Variants in TMEM64 observed in about 807,000 individuals in gnomAD.
TMEM64 encodes transmembrane protein 64.
TMEM64 carries 19 observed loss-of-function variants against 24.5 expected under a neutral mutation model. The observed-to-expected ratio is 0.78, with a 90% CI of 0.54 to 1.14. TMEM64 has a LOEUF of 1.14. Ranked by LOEUF, TMEM64 falls within the 50% of genes most tolerant of loss-of-function variation. The probability of loss-of-function intolerance (pLI) is 0.00; values close to 1 mark genes in which losing one functional copy is unlikely to be tolerated. For synonymous variants in TMEM64, 262 were observed against 224.7 expected (o/e 1.17, Z -1.49); for missense variants, 487 against 493.0 (o/e 0.99, Z 0.12).
In TMEM64 at chr8:90,645,769, A is replaced by T; in HGVS notation, c.137T>A (p.Leu46His). The change falls in exon 1 of 3, where the codon CTT (leucine) becomes CAT (histidine). Residue 46 changes from leucine to histidine, a missense_variant. Coordinates refer to ENST00000458549, the MANE Select transcript of TMEM64 (RefSeq NM_001008495.4). This position sits in a 1 kb window ranked among gnomAD's most constrained non-coding sequence, Gnocchi z 4.2. ...CGCGCTCGCCCCGCCCCCGCGGGGA[A>T]GGCGGTCCGCCGGGCCGTCCCCGCC... ...GAGGDGPADR[L>H]PRGGGASAAA... The T allele has an allele frequency of 4.8e-6, 5 of 1,032,630 alleles. No individual in the cohort carries two copies. The highest frequency in any genetic ancestry group is 4.6e-6 in the Non-Finnish European group (4 of 863,032). 64.0% of individuals were successfully genotyped at this position (1,032,630 alleles called of 1,614,324 possible).
Position 90,625,815 on chromosome 8 carries a change from T to C in TMEM64, c.999A>G (p.Gln333=), listed in dbSNP as rs756297303. 1.2e-6 allele frequency: 2 copies of C among 1,613,850 alleles called. No homozygotes were observed. Among genetic ancestry groups the C allele is most frequent in the South Asian group, 1.1e-5 (1 of 91,058 alleles). The part of the protein sequence containing the change: ...GLMFYVVHRA[Q]VELNAAIVAC... ...CTACAATAGCTGCATTCAATTCCACTTGAGCTCGATGAACTACATAAAACA... is the reference window on the plus strand; with the variant it reads ...CTACAATAGCTGCATTCAATTCCACCTGAGCTCGATGAACTACATAAAACA... The change falls in exon 3 of 3, where the codon CAA becomes CAG. Residue 333 remains glutamine, a synonymous_variant. Transcript: ENST00000458549.
intron 2 of TMEM64, among the ~76,000 whole-genome samples, chr8:90,626,231 G>T (rs1809357344): frequency 6.6e-6 from 1 of 152,144 alleles, no homozygotes; most frequent in African/African-American, 2.4e-5. Context: ...AATTAATGTA[G>T]TATTATACCT....
rs1182813484 is a variant in TMEM64, at chr8:90,624,527, GAGAA to G, written c.*1140_*1143del. The G allele has an allele frequency of 1.3e-5, 2 of 152,424 alleles. No homozygotes were observed. Among genetic ancestry groups the G allele is most frequent in the Admixed American group, 6.6e-5 (1 of 15,266 alleles). The allele number at this position is 152,424 out of a possible 1,614,324, so 9.4% of individuals were successfully genotyped here. On this transcript the variant is annotated 3_prime_UTR_variant, in exon 3 of 3. Transcript: ENST00000458549. ...TAAATACATTTGATTCATGCTACAA[GAGAA>G]AGAATTGAGACAATTTCACATTTCA...
intron 1 of TMEM64, among the ~76,000 whole-genome samples, chr8:90,638,790 C>A (rs985727245): frequency 6.6e-6 from 1 of 152,118 alleles, no homozygotes; most frequent in African/African-American, 2.4e-5. Context: ...AAATTAAGAA[C>A]ACTCTGCCAA....
intron 2 of TMEM64, among the ~76,000 whole-genome samples, chr8:90,626,469 T>C (rs1393647799): frequency 6.6e-6 from 1 of 152,156 alleles, no homozygotes; most frequent in Non-Finnish European, 1.5e-5. Flanking sequence ...TTTAAAAATG[T>C]TAGTCAAAGG....
intron 1 of TMEM64, among the ~76,000 whole-genome samples, chr8:90,640,294 A>T (rs1169023877): frequency 1.3e-5 from 2 of 152,172 alleles, no homozygotes. Flanking sequence ...TCTTTTTTTG[A>T]ATCTATGGCT....
At chr8:90,634,449 G>A (rs527695816) in intron 1 of TMEM64, among the ~76,000 whole-genome samples, 53 of 152,052 alleles carry the variant, frequency 3.5e-4, no homozygotes, top group African/African-American at 1.3e-3. Flanking sequence ...CCTTCTTTAC[G>A]CTTCTTTTAA....
Position 90,645,945 on chromosome 8 carries a change from C to A in TMEM64, c.-40G>T. 1.8e-6 allele frequency: 2 copies of A among 1,084,654 alleles called. No individual in the cohort carries two copies. Among genetic ancestry groups the A allele is most frequent in the South Asian group, 4.4e-5 (1 of 22,550 alleles). 67.2% of individuals were successfully genotyped at this position (1,084,654 alleles called of 1,614,324 possible). A position where few individuals can be genotyped will look rare whatever the true frequency, so the allele number is the denominator to read the frequency against. On this transcript the variant is annotated 5_prime_UTR_variant, in exon 1 of 3. Coordinates refer to ENST00000458549, the MANE Select transcript of TMEM64 (RefSeq NM_001008495.4). This position sits in a 1 kb window ranked among gnomAD's most constrained non-coding sequence, Gnocchi z 4.2. The stretch of plus-strand genomic sequence containing the variant: ...CGGGCCCTCAGCCGGCCAGCCCCTC[C>A]GCCGCGGCGCCCGTTAGGCAGCTGC...
chr8:90,634,529 C>T (rs1187958992), intron 1 of TMEM64, among the ~76,000 whole-genome samples: 3 of 152,132 alleles, frequency 2.0e-5, no homozygotes, highest in Non-Finnish European at 2.9e-5. Context: ...AAAATCAGTA[C>T]ATTTCATATT....
intron 1 of TMEM64, among the ~76,000 whole-genome samples, chr8:90,640,798 T>C (rs1214896087): frequency 6.6e-6 from 1 of 152,210 alleles, no homozygotes; most frequent in Non-Finnish European, 1.5e-5. Flanking sequence ...ATTATTTCAG[T>C]CAGTACCAGT....
At chr8:90,634,615 T>C (rs1171590895) in intron 1 of TMEM64, among the ~76,000 whole-genome samples, 1 of 152,216 alleles carries the variant, frequency 6.6e-6, no homozygotes, top group African/African-American at 2.4e-5. Flanking sequence ...TATCCAGAAA[T>C]TTTTCTATAA....
Position 90,645,288 on chromosome 8 carries a change from G to A in TMEM64, c.618C>T (p.Thr206=), listed in dbSNP as rs750019142. 2 of 1,600,184 alleles carry A rather than the reference G, an allele frequency of 1.2e-6. No individual in the cohort carries two copies. The highest frequency in any genetic ancestry group is 8.5e-7 in the Non-Finnish European group (1 of 1,172,954). The stretch of plus-strand genomic sequence containing the variant: ...GCTTGCAGACCACATGGGCGATGAA[G>A]GTGCCGATGAGGACGCCCACCATCA... ...GLMMVGVLIG[T]FIAHVVCKRL... Residue 206 remains threonine (T), a synonymous_variant, in exon 1 of 3, where the codon ACC becomes ACT. Transcript: ENST00000458549. The surrounding 1 kb of genome is among the most constrained non-coding windows in gnomAD (Gnocchi z 4.2).
intron 2 of TMEM64, among the ~76,000 whole-genome samples, chr8:90,630,004 G>A (rs989769690): frequency 3.3e-5 from 5 of 151,956 alleles, no homozygotes; most frequent in Admixed American, 1.3e-4. Flanking sequence ...TTTGTAATAC[G>A]GTACCATATA....
rs1323117175 is a variant in TMEM64 at position 90,625,747 on chromosome 8, T to G, written c.1067A>C (p.Gln356Pro). The change falls in exon 3 of 3, where the codon CAA becomes CCA. Residue 356 changes from glutamine (Q) to proline (P), a missense_variant. By Grantham distance (76) the Gln-to-Pro change is moderately conservative. This residue lies in a region of TMEM64 where 58 missense variants were observed against 58.2 expected (regional missense o/e 1.00). Coordinates refer to ENST00000458549, the MANE Select transcript of TMEM64 (RefSeq NM_001008495.4). The stretch of plus-strand genomic sequence containing the variant: ...GAATGAAGAGCCACTGGTATTTGGT[T>G]GATTGCCTTTAACCAGAGAAGATTT... ...ELKSSLVKGNQPNTSGSSFYN... is the reference protein window; with the variant it reads ...ELKSSLVKGNPPNTSGSSFYN... 1 of 1,613,986 alleles carries G rather than the reference T, an allele frequency of 6.2e-7. No homozygotes were observed.
chr8:90,637,402 T>C (rs990839851), intron 1 of TMEM64, among the ~76,000 whole-genome samples: 10 of 152,226 alleles, frequency 6.6e-5, no homozygotes, highest in Admixed American at 4.6e-4. Flanking sequence ...TTGGCATGGA[T>C]GTAATAAAAA....
In TMEM64 at chr8:90,645,096, C is replaced by T. The variant is rs1398036928; in HGVS notation, c.795+15G>A. 1.3e-6 allele frequency: 2 copies of T among 1,589,948 alleles called. No homozygotes were observed. Among genetic ancestry groups the T allele is most frequent in the Admixed American group, 1.7e-5 (1 of 59,100 alleles). On this transcript the variant is annotated intron_variant, in intron 1 of 2. Transcript: ENST00000458549. The surrounding 1 kb of genome is among the most constrained non-coding windows in gnomAD (Gnocchi z 4.2). ...ACAGACTTGGAGAGGGATAGGCCAG[C>T]GGGACCCCACTTACCGAAAACACTG...
chr8:90,645,723 GGCCGCCGCTGCTGCC>G lies in TMEM64; in HGVS notation c.168_182del (p.Ala57_Ala61del), dbSNP rs1436123774. 42 of 1,186,832 alleles carry G rather than the reference GGCCGCCGCTGCTGCC, an allele frequency of 3.5e-5. No homozygotes were observed. The highest frequency in any genetic ancestry group is 4.0e-5 in the Non-Finnish European group (38 of 960,568). 73.5% of individuals were successfully genotyped at this position (1,186,832 alleles called of 1,614,324 possible). On this transcript the variant is annotated inframe_deletion, in exon 1 of 3. Coordinates refer to ENST00000458549, the MANE Select transcript of TMEM64 (RefSeq NM_001008495.4). The surrounding 1 kb of genome is among the most constrained non-coding windows in gnomAD (Gnocchi z 4.2). The stretch of plus-strand genomic sequence containing the variant: ...GATAGGCGCCGAGCAGGGCGCCCGA[GGCCGCCGCTGCTGCC>G]GCCGCCGCGCTCGCCCCGCCCCCGC...
At position 90,622,492 on chromosome 8, in the gene TMEM64, G is replaced by C. The variant is rs1383284435; in HGVS notation, c.*3179C>G. On this transcript the variant is annotated 3_prime_UTR_variant, in exon 3 of 3. Coordinates refer to ENST00000458549, the MANE Select transcript of TMEM64 (RefSeq NM_001008495.4). ...TCCTTTTCTCTGCAAATGCTGCTTGGCTGTGAACAGCATGGATTTACCTGC... is the reference window on the plus strand; with the variant it reads ...TCCTTTTCTCTGCAAATGCTGCTTGCCTGTGAACAGCATGGATTTACCTGC... The C allele has an allele frequency of 6.6e-6, 1 of 152,122 alleles. No homozygotes were observed. The highest frequency in any genetic ancestry group is 1.5e-5 in the Non-Finnish European group (1 of 68,028). The allele number at this position is 152,122 out of a possible 1,614,324, so 9.4% of individuals were successfully genotyped here.
At position 90,645,786 on chromosome 8, in the gene TMEM64, G is replaced by T; in HGVS notation, c.120C>A (p.Asp40Glu). The change falls in exon 1 of 3, where the codon GAC becomes GAA. Residue 40 changes from aspartate (D) to glutamate (E), a missense_variant. Coordinates refer to ENST00000458549, the MANE Select transcript of TMEM64 (RefSeq NM_001008495.4). This position sits in a 1 kb window ranked among gnomAD's most constrained non-coding sequence, Gnocchi z 4.2. ...CGCGGGGAAGGCGGTCCGCCGGGCC[G>T]TCCCCGCCCGCACCCCGCGGCAGGG... Reference protein sequence around the residue: ...RWALPRGAGGDGPADRLPRGG... With the variant: ...RWALPRGAGGEGPADRLPRGG... The T allele has an allele frequency of 2.9e-6, 3 of 1,018,096 alleles. No individual in the cohort carries two copies. Among genetic ancestry groups the T allele is most frequent in the Non-Finnish European group, 3.5e-6 (3 of 853,238 alleles). 63.1% of individuals were successfully genotyped at this position (1,018,096 alleles called of 1,614,324 possible).
Sources: gnomAD v4.1 joint callset for allele counts (sites outside exome capture counted in the v4.1 genomes callset) on GRCh38, gnomAD v4.1.1 for gene constraint, gnomAD v4.1.1 regional missense constraint, Gnocchi (gnomAD v3.1) non-coding constraint, MANE v1.5 for transcripts, NCBI Gene and HGNC (gene_info 2026-07-23, HGNC 2026-07-21) for gene names.